MEI1: variants seen among roughly 807,000 people sequenced by gnomAD.
The protein encoded by MEI1 is meiosis inhibitor protein 1.
A neutral mutation model predicts 146.2 loss-of-function variants in MEI1; 103 were observed. That is an observed-to-expected ratio of 0.70 (90% confidence interval 0.60 to 0.83). The LOEUF (loss-of-function observed/expected upper bound fraction) is 0.83, where lower values mean the gene tolerates loss of function less well. MEI1 is among the 40% of genes least tolerant of loss of function. The pLI, the probability that MEI1 is intolerant of heterozygous loss-of-function variation, is 0.00. For missense variants in MEI1, 1,529 were observed against 1,533.0 expected, an observed-to-expected ratio of 1.00 and a Z score of 0.04; for synonymous variants, 652 against 628.2, an observed-to-expected ratio of 1.04 and a Z score of -0.57.
At chr22:41,788,653 C>T (rs1251278652) in intron 26 of MEI1, among the ~76,000 whole-genome samples, 1 of 151,962 alleles carries the variant, frequency 6.6e-6, no homozygotes, top group African/African-American at 2.4e-5. Context: ...GTTGGCCAGG[C>T]TGGTCTCAAA....
At position 41,796,177 on chromosome 22, in the gene MEI1, C is replaced by CATAT. The variant is rs1045814895; in HGVS notation, c.3779+339_3779+342dup. The stretch of plus-strand genomic sequence containing the variant: ...AAGCAGGCACATTACATGCATTTTA[C>CATAT]ATATATATATATTTATTTATTCATT... On this transcript the variant is annotated intron_variant, in intron 30 of 30. Coordinates refer to ENST00000401548, the MANE Select transcript of MEI1 (RefSeq NM_152513.4). 4.4e-4 allele frequency among the ~76,000 whole-genome samples: 67 copies of CATAT among 151,878 alleles called. 1 individual carries two copies. Among genetic ancestry groups the CATAT allele is most frequent in the African/African-American group, 1.6e-3 (66 of 41,418 alleles).
Position 41,718,128 on chromosome 22 carries a change from C to G in MEI1, c.587C>G (p.Ala196Gly), listed in dbSNP as rs1266757608. 1.2e-6 allele frequency: 2 copies of G among 1,613,706 alleles called. No homozygotes were observed. The highest frequency in any genetic ancestry group is 4.5e-5 in the East Asian group (2 of 44,884). Residue 196 changes from alanine to glycine, a missense_variant, in exon 6 of 31, where the codon GCT (alanine) becomes GGT (glycine). Around this residue, in one of 3 missense-constraint regions of MEI1, gnomAD observed 1,212 missense variants for 1,178.9 expected, o/e 1.03. Coordinates refer to ENST00000401548, the MANE Select transcript of MEI1 (RefSeq NM_152513.4). ...GLVYPSEGIQ[A>G]SVCYLYGKLY... Reference sequence around the variant, plus strand: ...GTATACCCCAGTGAGGGCATACAAGCTTCTGTCTGTTACCTTTATGGGAAG... The same window carrying G: ...GTATACCCCAGTGAGGGCATACAAGGTTCTGTCTGTTACCTTTATGGGAAG...
At chr22:41,715,446 A>G (rs936821234) in intron 4 of MEI1, among the ~76,000 whole-genome samples, 7 of 149,752 alleles carry the variant, frequency 4.7e-5, no homozygotes, top group African/African-American at 1.7e-4. Flanking sequence ...CCCAGGCTGG[A>G]GTGCAGTGGC....
At chr22:41,711,879 G>C (rs1365678404) in intron 3 of MEI1, among the ~76,000 whole-genome samples, 2 of 151,826 alleles carry the variant, frequency 1.3e-5, no homozygotes, top group Non-Finnish European at 2.9e-5. Flanking sequence ...ATATAAAGGA[G>C]CAAACTGAGG....
chr22:41,736,605 G>A (rs960477746), intron 11 of MEI1, among the ~76,000 whole-genome samples: 1 of 151,858 alleles, frequency 6.6e-6, no homozygotes, highest in Non-Finnish European at 1.5e-5. Context: ...ATATTCCCCA[G>A]GCTGGTCTTG....
chr22:41,722,577 TC>T (rs545317751), intron 6 of MEI1, among the ~76,000 whole-genome samples: 24 of 151,250 alleles, frequency 1.6e-4, no homozygotes, highest in Non-Finnish European at 3.1e-4. Flanking sequence ...TCTCTATCTG[TC>T]CCCACCCTAA....
intron 22 of MEI1, among the ~76,000 whole-genome samples, chr22:41,780,923 A>C (rs1346056490): frequency 6.6e-6 from 1 of 152,162 alleles, no homozygotes; most frequent in Non-Finnish European, 1.5e-5. Flanking sequence ...AAGAGGAGTT[A>C]GCTAAATGAA....
chr22:41,783,072 C>T (rs148074864), intron 24 of MEI1, among the ~76,000 whole-genome samples: 1 of 152,332 alleles, frequency 6.6e-6, no homozygotes, highest in African/African-American at 2.4e-5. Flanking sequence ...TTACTTTCTG[C>T]CATTCCCACC....
At chr22:41,705,919 G>A (rs2069058760) in intron 3 of MEI1, among the ~76,000 whole-genome samples, 1 of 151,960 alleles carries the variant, frequency 6.6e-6, no homozygotes, top group African/African-American at 2.4e-5. Context: ...TGCTGGCTAA[G>A]CTGGTCTCGA....
chr22:41,795,948 C>G lies in MEI1; in HGVS notation c.3779+101C>G. 6.2e-7 allele frequency: 1 copy of G among 1,611,454 alleles called. No homozygotes were observed. Among genetic ancestry groups the G allele is most frequent in the South Asian group, 1.1e-5 (1 of 90,964 alleles). On this transcript the variant is annotated intron_variant, in intron 30 of 30. Transcript: ENST00000401548. The surrounding 1 kb of genome is among the most constrained non-coding windows in gnomAD (Gnocchi z 4.2). ...TATGCGGTACCGGAGTAGCAGTGTCCTCTCTCATGAAGAGGTGGGTGATGT... is the reference window on the plus strand; with the variant it reads ...TATGCGGTACCGGAGTAGCAGTGTCGTCTCTCATGAAGAGGTGGGTGATGT...
intron 8 of MEI1, 62 bp downstream of exon 8, chr22:41,729,841 A>C: frequency 9.2e-7 from 1 of 1,081,576 alleles, no homozygotes; most frequent in Non-Finnish European, 1.3e-6. Context: ...TGACAGGTTC[A>C]ATTGTGTATG....
chr22:41,797,844 A>G (rs754559860), intron 30 of MEI1, among the ~76,000 whole-genome samples: 1 of 152,162 alleles, frequency 6.6e-6, no homozygotes, highest in African/African-American at 2.4e-5. Context: ...AAATGAGTTA[A>G]TATATGTAAA....
At chr22:41,710,094 C>A (rs1040083324) in intron 3 of MEI1, among the ~76,000 whole-genome samples, 3 of 151,668 alleles carry the variant, frequency 2.0e-5, no homozygotes, top group Admixed American at 6.6e-5. Flanking sequence ...TAGGATGGAC[C>A]CTAATCCAAT....
At chr22:41,767,067 A>G (rs1225096009) in intron 19 of MEI1, among the ~76,000 whole-genome samples, 1 of 152,104 alleles carries the variant, frequency 6.6e-6, no homozygotes, top group African/African-American at 2.4e-5. Context: ...TTGGTGAGCA[A>G]TGGGACTGCC....
intron 26 of MEI1, 51 bp from the exon 27 acceptor site, chr22:41,793,778 A>G: frequency 1.3e-6 from 2 of 1,503,246 alleles, no homozygotes; most frequent in South Asian, 1.3e-5. Flanking sequence ...GTTGGCACCA[A>G]AAGCCATTGG....
rs1441315597 is a variant in MEI1, at chr22:41,776,267, G to A, written c.2710G>A (p.Ala904Thr). The A allele has an allele frequency of 1.2e-6, 2 of 1,613,170 alleles. No homozygotes were observed. The highest frequency in any genetic ancestry group is 1.3e-5 in the African/African-American group (1 of 74,918). The stretch of plus-strand genomic sequence containing the variant: ...GGAGCATGGGGCATCCCCATCAGGA[G>A]GTCAGTCTGCAGGTGCTGTGGGCAC... ...LVEHGASPSGASGNLPLLLSL... is the reference protein window; with the variant it reads ...LVEHGASPSGTSGNLPLLLSL... Residue 904 changes from alanine to threonine, a missense_variant and splice_region_variant, in exon 21 of 31, where the codon GCC becomes ACC. By Grantham distance (58) the Ala-to-Thr change is moderately conservative. Transcript: ENST00000401548.
At chr22:41,700,528 A>G (rs886996767) in intron 1 of MEI1, among the ~76,000 whole-genome samples, 1 of 152,076 alleles carries the variant, frequency 6.6e-6, no homozygotes, top group South Asian at 2.1e-4. Context: ...ACGGAGTTTC[A>G]TCATGTTGGC....
Position 41,721,293 on chromosome 22 carries a change from G to A in MEI1, c.734-2650G>A, listed in dbSNP as rs541838815. ...GGAGTCTCGCTCTGTCACCCAGGCT[G>A]GAGTGCAATGGCACAATCTCGGCTC... On this transcript the variant is annotated intron_variant, in intron 6 of 30. Transcript: ENST00000401548. Among the ~76,000 whole-genome samples, 164 of 137,686 alleles carry A rather than the reference G, an allele frequency of 1.2e-3. 1 individual carries two copies. The highest frequency in any genetic ancestry group is 4.4e-3 in the African/African-American group (154 of 35,286). 90.3% of individuals were successfully genotyped at this position (137,686 alleles called of 152,430 possible).
chr22:41,708,567 A>G (rs1569146373), intron 3 of MEI1, among the ~76,000 whole-genome samples: 1 of 152,246 alleles, frequency 6.6e-6, no homozygotes, highest in Non-Finnish European at 1.5e-5. Context: ...GAAAGCCACT[A>G]TAAAACCCAA....
Sources: allele counts gnomAD v4.1 joint callset (sites outside exome capture counted in the v4.1 genomes callset), GRCh38; gene constraint gnomAD v4.1.1; regional missense constraint gnomAD v4.1.1; non-coding constraint Gnocchi (gnomAD v3.1); transcripts MANE v1.5; gene names NCBI Gene and HGNC (gene_info 2026-07-23, HGNC 2026-07-21).